Variants in PCDH11X observed in about 807,000 individuals in gnomAD.
PCDH11X encodes protocadherin 11 X-linked, also known as protocadherin-11 X-linked.
Under a neutral mutation model 53.3 loss-of-function variants are expected in PCDH11X, and 18 were observed. That is an observed-to-expected ratio of 0.34 (90% CI 0.23 to 0.50). The LOEUF (loss-of-function observed/expected upper bound fraction) is 0.50. Among genes scored for constraint, PCDH11X ranks in the 20% least tolerant of loss-of-function variants. The pLI, the probability that PCDH11X is intolerant of heterozygous loss-of-function variation, is 0.98. For missense variants in PCDH11X, 570 were observed against 1,032.4 expected, an observed-to-expected ratio of 0.55 and a Z score of 6.14; for synonymous variants, 279 against 393.3, an observed-to-expected ratio of 0.71 and a Z score of 3.44.
intron 5 of PCDH11X, among the ~76,000 whole-genome samples, chrX:91,840,571 GTTAGAA>G (rs1937491264): frequency 9.0e-6 from 1 of 111,404 alleles, no homozygotes; most frequent in African/African-American, 3.3e-5. Flanking sequence ...TGAAACTAAG[GTTAGAA>G]TTAGATTTGT....
intron 10 of PCDH11X, among the ~76,000 whole-genome samples, chrX:92,475,733 T>C (rs900751885): frequency 1.8e-5 from 2 of 111,962 alleles, no homozygotes; most frequent in African/African-American, 6.5e-5. Context: ...CACTAGGTAT[T>C]GGAAGTTCTC....
At chrX:92,419,651 C>T (rs1258199671) in intron 9 of PCDH11X, among the ~76,000 whole-genome samples, 4 of 86,890 alleles carry the variant, frequency 4.6e-5, no homozygotes, top group Non-Finnish European at 9.2e-5. Flanking sequence ...TTCTGTTTCT[C>T]TCTCCCCTCC....
intron 6 of PCDH11X, among the ~76,000 whole-genome samples, chrX:92,196,888 A>G (rs1410693657): frequency 9.0e-6 from 1 of 111,181 alleles, no homozygotes; most frequent in Non-Finnish European, 1.9e-5. Flanking sequence ...GAAAGAATGA[A>G]TCACATGGTG....
intron 8 of PCDH11X, among the ~76,000 whole-genome samples, chrX:92,325,438 C>T (rs945511286): frequency 3.1e-4 from 35 of 111,288 alleles, no homozygotes; most frequent in African/African-American, 1.1e-3. Flanking sequence ...AGTCCCTCTA[C>T]GTGAAATCAT....
intron 6 of PCDH11X, among the ~76,000 whole-genome samples, chrX:92,060,628 C>A (rs1449593786): frequency 9.2e-6 from 1 of 109,046 alleles, no homozygotes; most frequent in East Asian, 2.9e-4. Context: ...TGACCTCCAG[C>A]TCCATTTATG....
chrX:91,806,626 A>C (rs10482063), intron 1 of PCDH11X, among the ~76,000 whole-genome samples: 1 of 110,693 alleles, frequency 9.0e-6, no homozygotes, highest in African/African-American at 3.3e-5. Flanking sequence ...TGCGTATGCA[A>C]GTTACAATTT....
In PCDH11X at chrX:92,142,862, C is replaced by T. The variant is rs764974069; in HGVS notation, c.3034-58513C>T. Among the ~76,000 whole-genome samples the T allele has an allele frequency of 6.9e-3, 733 of 106,181 alleles. 3 individuals carry two copies. Among genetic ancestry groups the T allele is most frequent in the Non-Finnish European group, 9.9e-3 (519 of 52,327 alleles). The allele number at this position is 106,181 out of a possible 115,157, so 92.2% of individuals were successfully genotyped here. On this transcript the variant is annotated intron_variant, in intron 6 of 10. Transcript: ENST00000682573. ...CCTAAATTGTGTGTATATATATATACACACACACAGACACATACATACACG... is the reference window on the plus strand; with the variant it reads ...CCTAAATTGTGTGTATATATATATATACACACACAGACACATACATACACG...
intron 1 of PCDH11X, among the ~76,000 whole-genome samples, chrX:91,792,902 G>A (rs1935603676): frequency 9.2e-6 from 1 of 109,231 alleles, no homozygotes. Flanking sequence ...TGCTTTGGTT[G>A]TAACTGAAAC....
intron 4 of PCDH11X, among the ~76,000 whole-genome samples, chrX:91,821,025 G>T (rs1327903840): frequency 9.3e-4 from 99 of 107,016 alleles, no homozygotes; most frequent in African/African-American, 3.4e-3. Context: ...CTGTTCCATT[G>T]ATCTATATCT....
At chrX:92,239,071 C>A (rs1396602624) in intron 7 of PCDH11X, among the ~76,000 whole-genome samples, 1 of 111,052 alleles carries the variant, frequency 9.0e-6, no homozygotes, top group Non-Finnish European at 1.9e-5. Context: ...TATTTTCATC[C>A]ATTGCTCATT....
At chrX:92,428,330 G>A (rs7878044) in intron 9 of PCDH11X, among the ~76,000 whole-genome samples, 3,187 of 111,027 alleles carry the variant, frequency 0.029, 105 homozygotes, top group African/African-American at 0.084. Context: ...TCTCTCTTCC[G>A]TCCCACCAAG....
chrX:92,484,209 ATATATATG>A (rs1272455500), intron 10 of PCDH11X, among the ~76,000 whole-genome samples: 2,245 of 72,974 alleles, frequency 0.031, 90 homozygotes, highest in African/African-American at 0.14. Context: ...GTATATATGT[ATATATATG>A]TATATATGTA....
At chrX:92,452,292 A>G (rs2072800407) in intron 9 of PCDH11X, among the ~76,000 whole-genome samples, 2 of 101,012 alleles carry the variant, frequency 2.0e-5, no homozygotes, top group Admixed American at 1.1e-4. Context: ...ACTAACATCT[A>G]CAGCAAAAAC....
At chrX:91,998,348 A>T (rs2062453244) in intron 6 of PCDH11X, among the ~76,000 whole-genome samples, 1 of 111,626 alleles carries the variant, frequency 9.0e-6, no homozygotes, top group African/African-American at 3.3e-5. Context: ...TAGCCTCTTA[A>T]GATTCTTTGT....
At chrX:92,283,679 C>T (rs1191251100) in intron 8 of PCDH11X, among the ~76,000 whole-genome samples, 1 of 111,546 alleles carries the variant, frequency 9.0e-6, no homozygotes, top group Non-Finnish European at 1.9e-5. Context: ...GCGTATAGTG[C>T]CATATGAATT....
At chrX:91,843,175 A>G (rs1470431133) in intron 5 of PCDH11X, among the ~76,000 whole-genome samples, 2 of 106,604 alleles carry the variant, frequency 1.9e-5, no homozygotes, top group African/African-American at 6.8e-5. Context: ...CCCCAAGGAG[A>G]TTAATAACAG....
chrX:92,553,070 A>T (rs935742018), intron 10 of PCDH11X, among the ~76,000 whole-genome samples: 5 of 105,415 alleles, frequency 4.7e-5, no homozygotes, highest in African/African-American at 6.9e-5. Flanking sequence ...TGGTATCAGG[A>T]TAATATTGGC....
intron 6 of PCDH11X, among the ~76,000 whole-genome samples, chrX:92,048,086 G>T (rs1239382872): frequency 9.0e-6 from 1 of 111,088 alleles, no homozygotes; most frequent in African/African-American, 3.3e-5. Flanking sequence ...TACCATGTTT[G>T]TGGATGCCTT....
At chrX:92,293,718 A>G (rs1202368936) in intron 8 of PCDH11X, among the ~76,000 whole-genome samples, 1 of 111,104 alleles carries the variant, frequency 9.0e-6, no homozygotes, top group Non-Finnish European at 1.9e-5. Flanking sequence ...ACGAAATCTC[A>G]ATGAAAAACT....
Sources: allele counts gnomAD v4.1 joint callset (sites outside exome capture counted in the v4.1 genomes callset), GRCh38; gene constraint gnomAD v4.1.1; transcripts MANE v1.5; gene names NCBI Gene and HGNC (gene_info 2026-07-23, HGNC 2026-07-21).